RELN: variants seen among roughly 807,000 people sequenced by gnomAD.
RELN encodes reelin.
RELN carries 108 observed loss-of-function variants against 427.6 expected under a neutral mutation model. That is an observed-to-expected ratio of 0.25 (90% CI 0.22 to 0.30). The LOEUF (loss-of-function observed/expected upper bound fraction) is 0.30. Ranked by LOEUF, RELN falls within the 10% of genes least tolerant of loss-of-function variation. The pLI is 1.00. For missense variants in RELN, 3,715 were observed against 4,302.8 expected, an observed-to-expected ratio of 0.86 and a Z score of 3.82; for synonymous variants, 1,524 against 1,513.4, an observed-to-expected ratio of 1.01 and a Z score of -0.16.
intron 4 of RELN, among the ~76,000 whole-genome samples, chr7:103,758,960 T>C (rs749499432): frequency 6.6e-6 from 1 of 152,000 alleles, no homozygotes; most frequent in Non-Finnish European, 1.5e-5. Context: ...TATTATTAAG[T>C]GACCTGAAGA....
intron 64 of RELN, among the ~76,000 whole-genome samples, chr7:103,477,647 C>T (rs1451005892): frequency 1.3e-5 from 2 of 152,216 alleles, no homozygotes; most frequent in African/African-American, 2.4e-5. Flanking sequence ...CTGAAGATTT[C>T]ATATTTCTCT....
At chr7:103,859,529 G>A (rs39404) in intron 2 of RELN, among the ~76,000 whole-genome samples, 53,802 of 151,956 alleles carry the variant, frequency 0.35, 10,172 homozygotes, top group Non-Finnish European at 0.42. Flanking sequence ...TCCTGACCTC[G>A]TGATCCGCCC....
intron 4 of RELN, among the ~76,000 whole-genome samples, chr7:103,764,617 C>G (rs1161940217): frequency 6.6e-6 from 1 of 151,770 alleles, no homozygotes; most frequent in Non-Finnish European, 1.5e-5. Flanking sequence ...GCGAGTGGAT[C>G]ATGAGATCAA....
At position 103,611,613 on chromosome 7, in the gene RELN, C is replaced by T. The variant is rs1360881282; in HGVS notation, c.2893G>A (p.Glu965Lys). ...AGGTTTAAGGAAACTAGACTTACTT[C>T]TTGGACGAGGTGCCAGGTAAGGCCG... Reference protein sequence around the residue: ...NHGLTWHLVQEECLPSMPSCQ... With the variant: ...NHGLTWHLVQKECLPSMPSCQ... Residue 965 changes from glutamate to lysine, a missense_variant and splice_region_variant, in exon 21 of 65, where the codon GAA becomes AAA. Physicochemically the swap from Glu to Lys is moderately conservative, Grantham distance 56. Transcript: ENST00000428762. 6.2e-7 allele frequency: 1 copy of T among 1,612,014 alleles called. No homozygotes were observed. Among genetic ancestry groups the T allele is most frequent in the East Asian group, 2.2e-5 (1 of 44,742 alleles).
chr7:103,540,975 C>G (rs362753), intron 43 of RELN, among the ~76,000 whole-genome samples: 202 of 151,732 alleles, frequency 1.3e-3, no homozygotes, highest in Non-Finnish European at 2.4e-3. Context: ...TTTAAATTCA[C>G]CAGTTGTAGC....
chr7:103,490,989 A>C (rs529329229), intron 58 of RELN, among the ~76,000 whole-genome samples, 160 bp from the exon 59 acceptor site: 2 of 152,368 alleles, frequency 1.3e-5, no homozygotes, highest in East Asian at 1.9e-4. Flanking sequence ...AAAAATTAAA[A>C]TATTTTCTCT....
intron 43 of RELN, among the ~76,000 whole-genome samples, chr7:103,541,861 T>C (rs1830184390): frequency 6.6e-6 from 1 of 152,218 alleles, no homozygotes; most frequent in South Asian, 2.1e-4. Flanking sequence ...TATAACTGTG[T>C]AATTATTTCA....
chr7:103,503,362 A>G, intron 51 of RELN, 132 bp from the exon 52 acceptor site: 2 of 793,288 alleles, frequency 2.5e-6, no homozygotes, highest in Non-Finnish European at 4.3e-6. Context: ...TTTCAGATTC[A>G]TTATTTGTTC....
chr7:103,542,629 A>T (rs1439541480), intron 43 of RELN, 102 bp downstream of exon 43: 3 of 1,198,830 alleles, frequency 2.5e-6, no homozygotes, highest in African/African-American at 3.0e-5. Context: ...TTACAATGGA[A>T]GGCCTTGTCC....
intron 10 of RELN, among the ~76,000 whole-genome samples, chr7:103,693,846 C>A (rs935250756): frequency 6.6e-6 from 1 of 152,118 alleles, no homozygotes; most frequent in African/African-American, 2.4e-5. Context: ...TTTATTGTTC[C>A]AAGGCCCCTA....
intron 48 of RELN, among the ~76,000 whole-genome samples, chr7:103,521,796 A>G (rs564734233): frequency 1.4e-3 from 219 of 152,378 alleles, no homozygotes; most frequent in Non-Finnish European, 2.4e-3. Flanking sequence ...AAAGCATAGC[A>G]TAAAGTTATA....
At chr7:103,481,744 T>C (rs1586466336) in intron 63 of RELN, among the ~76,000 whole-genome samples, 1 of 152,310 alleles carries the variant, frequency 6.6e-6, no homozygotes, top group East Asian at 1.9e-4. Context: ...TGTACATAGA[T>C]TCATTTCAGC....
At chr7:103,889,729 C>CAAACA (rs1794804489) in intron 2 of RELN, among the ~76,000 whole-genome samples, 1 of 152,122 alleles carries the variant, frequency 6.6e-6, no homozygotes, top group South Asian at 2.1e-4. Context: ...AAGGTTCTGT[C>CAAACA]AAACAAGTAA....
chr7:103,838,936 G>A (rs1000519288), intron 2 of RELN, among the ~76,000 whole-genome samples: 1 of 152,286 alleles, frequency 6.6e-6, no homozygotes, highest in South Asian at 2.1e-4. Flanking sequence ...CCAGTTGGCT[G>A]CCCAGTGGCA....
At chr7:103,562,736 A>T (rs1243905636) in intron 34 of RELN, among the ~76,000 whole-genome samples, 1 of 152,186 alleles carries the variant, frequency 6.6e-6, no homozygotes, top group Non-Finnish European at 1.5e-5. Flanking sequence ...TTCTCCATGG[A>T]TGTGACACAG....
intron 27 of RELN, among the ~76,000 whole-genome samples, chr7:103,593,062 A>G (rs1831456933): frequency 6.6e-6 from 1 of 152,206 alleles, no homozygotes; most frequent in Non-Finnish European, 1.5e-5. Context: ...TAGTTGTGCT[A>G]GCTCATTAAA....
intron 1 of RELN, among the ~76,000 whole-genome samples, chr7:103,966,201 A>G (rs976961429): frequency 2.1e-4 from 16 of 76,120 alleles, no homozygotes; most frequent in Non-Finnish European, 4.3e-4. Flanking sequence ...ATTAATAAAA[A>G]CAAGTGAGAA....
intron 3 of RELN, among the ~76,000 whole-genome samples, chr7:103,825,419 T>C (rs1002487503): frequency 6.6e-6 from 1 of 152,050 alleles, no homozygotes; most frequent in African/African-American, 2.4e-5. Context: ...TAAAAAACCA[T>C]AGAAACTGCT....
At chr7:103,737,319 G>A (rs1236024074) in intron 6 of RELN, among the ~76,000 whole-genome samples, 1 of 152,156 alleles carries the variant, frequency 6.6e-6, no homozygotes, top group African/African-American at 2.4e-5. Context: ...TGGACACTGA[G>A]CAAAGTGGAG....
Sources: allele counts gnomAD v4.1 joint callset (sites outside exome capture counted in the v4.1 genomes callset), GRCh38; gene constraint gnomAD v4.1.1; transcripts MANE v1.5; gene names NCBI Gene and HGNC (gene_info 2026-07-23, HGNC 2026-07-21).